Variants in PAPOLA observed in about 807,000 individuals in gnomAD.
PAPOLA encodes the protein poly(A) polymerase alpha, also known as polynucleotide adenylyltransferase alpha.
Under a neutral mutation model 100.6 loss-of-function variants are expected in PAPOLA, and 15 were observed. The ratio of observed to expected loss-of-function variants is 0.15; its 90% CI spans 0.10 to 0.23. The LOEUF (loss-of-function observed/expected upper bound fraction) is 0.23, where lower values mean the gene tolerates loss of function less well. Among genes scored for constraint, PAPOLA ranks in the 10% least tolerant of loss-of-function variants. PAPOLA has a pLI of 1.00. For missense variants in PAPOLA, 533 were observed against 884.2 expected, an observed-to-expected ratio of 0.60 and a Z score of 5.04; for synonymous variants, 293 against 300.0, an observed-to-expected ratio of 0.98 and a Z score of 0.24.
chr14:96,521,037 G>C lies in PAPOLA; in HGVS notation c.214G>C (p.Val72Leu). The C allele has an allele frequency of 1.3e-6, 2 of 1,560,382 alleles. No individual in the cohort carries two copies. Among genetic ancestry groups the C allele is most frequent in the Non-Finnish European group, 1.8e-6 (2 of 1,132,626 alleles). Residue 72 changes from valine to leucine, a missense_variant, in exon 3 of 22, where the codon GTA (valine) becomes CTA (leucine). Around this residue, in one of 9 missense-constraint regions of PAPOLA, gnomAD observed 54 missense variants for 133.2 expected, o/e 0.41. Transcript: ENST00000216277. ...AATTTTGGGAAAACTAAATAACCTG[G>C]TAAAAGAGTGGATACGAGAAATCAG... ...ILILGKLNNL[V>L]KEWIREISES... is the part of the protein sequence containing the mutation.
At position 96,502,628 on chromosome 14, in the gene PAPOLA, C is replaced by A. The variant is rs772946762; in HGVS notation, c.8+28C>A. ...AAGTAATTTGTATTCTGTTTTCTTT[C>A]GCTCGCCGGCTGGGCCTTGGGGGGC... On this transcript the variant is annotated intron_variant, in intron 1 of 21. Transcript: ENST00000216277. The A allele has an allele frequency of 1.6e-5, 25 of 1,565,520 alleles. No individual in the cohort carries two copies. In the Admixed American group the frequency reaches 3.1e-4, roughly 20 times the overall value.
rs1902185034 is a variant in PAPOLA, at chr14:96,565,301, AC to A, written c.*252del. On this transcript the variant is annotated 3_prime_UTR_variant, in exon 22 of 22. Coordinates refer to ENST00000216277, the MANE Select transcript of PAPOLA (RefSeq NM_032632.5). ...TCAAAAATTACTGCCTTTAAAAAAA[AC>A]AACCTCAAGCTATATTTGTATTCAT... The A allele has an allele frequency of 5.0e-6, 2 of 396,974 alleles. No individual in the cohort carries two copies. Among genetic ancestry groups the A allele is most frequent in the African/African-American group, 4.0e-5 (2 of 50,338 alleles). 24.6% of individuals were successfully genotyped at this position (396,974 alleles called of 1,614,324 possible).
At chr14:96,533,858 A>G (rs1228012502) in intron 9 of PAPOLA, 4 of 984,956 alleles carry the variant, frequency 4.1e-6, no homozygotes, top group African/African-American at 1.7e-5. Context: ...CGGCTGTCAG[A>G]ATTTCTTTTA....
chr14:96,552,676 A>T, intron 17 of PAPOLA, 54 bp downstream of exon 17: 2 of 1,477,036 alleles, frequency 1.4e-6, no homozygotes, highest in Non-Finnish European at 1.9e-6. Flanking sequence ...AATCAATCAG[A>T]TACATTCTCT....
rs560626299 is a variant in PAPOLA, at chr14:96,504,226, T to A, written c.8+1626T>A. The A allele has an allele frequency of 2.0e-5, 3 of 152,352 alleles. No homozygotes were observed. In the East Asian group the frequency reaches 5.8e-4, roughly 29 times the overall value. The allele number at this position is 152,352 out of a possible 1,614,324, so 9.4% of individuals were successfully genotyped here. A position where few individuals can be genotyped will look rare whatever the true frequency, so the allele number is the denominator to read the frequency against. ...ATAATCATACCAGCATTAAAAATGA[T>A]AGATGTAAACCTTAAAAGGCTTCAA... On this transcript the variant is annotated intron_variant, in intron 1 of 21. Coordinates refer to ENST00000216277, the MANE Select transcript of PAPOLA (RefSeq NM_032632.5).
chr14:96,525,567 C>A (rs1326285844), intron 4 of PAPOLA, among the ~76,000 whole-genome samples, 176 bp downstream of exon 4: 1 of 152,100 alleles, frequency 6.6e-6, no homozygotes, highest in Non-Finnish European at 1.5e-5. Flanking sequence ...TTCTATATCG[C>A]CACTGTCCAA....
intron 15 of PAPOLA, 46 bp from the exon 16 acceptor site, chr14:96,547,751 T>A (rs774009416): frequency 9.4e-6 from 14 of 1,489,284 alleles, no homozygotes; most frequent in Non-Finnish European, 1.3e-5. Flanking sequence ...ATAACTGCCT[T>A]TATTAAAATG....
In PAPOLA at chr14:96,560,692, A is replaced by G; in HGVS notation, c.2048A>G (p.His683Arg). The change falls in exon 20 of 22, where the codon CAT (histidine) becomes CGT (arginine). Residue 683 changes from histidine to arginine, a missense_variant. His to Arg is a conservative substitution (Grantham distance 29). Transcript: ENST00000216277. Reference protein sequence around the residue: ...EDANCLALSGHDKTEAKEQLD... With the variant: ...EDANCLALSGRDKTEAKEQLD... The stretch of plus-strand genomic sequence containing the variant: ...GCTAACTGTCTTGCTTTGAGTGGAC[A>G]TGATAAAACAGAAGCAAAGGTATAC... 6.2e-7 allele frequency: 1 copy of G among 1,602,714 alleles called. No homozygotes were observed.
At chr14:96,542,099 A>G in intron 12 of PAPOLA, 144 bp from the exon 13 acceptor site, 1 of 491,608 alleles carries the variant, frequency 2.0e-6, no homozygotes, top group East Asian at 3.3e-5. Flanking sequence ...AGCATATATG[A>G]TTTTATGTGC....
At chr14:96,550,331 T>A (rs1900745707) in intron 16 of PAPOLA, among the ~76,000 whole-genome samples, 1 of 152,194 alleles carries the variant, frequency 6.6e-6, no homozygotes, top group Admixed American at 6.5e-5. Flanking sequence ...ATATTCAGAT[T>A]ACCTTTTTAA....
chr14:96,531,611 G>A, intron 7 of PAPOLA, 25 bp downstream of exon 7: 1 of 1,577,164 alleles, frequency 6.3e-7, no homozygotes, highest in South Asian at 1.2e-5. Context: ...ACTTCCTTTT[G>A]TGTACTTCAG....
chr14:96,559,663 A>G (rs1183142518), intron 19 of PAPOLA, among the ~76,000 whole-genome samples: 1 of 149,300 alleles, frequency 6.7e-6, no homozygotes, highest in Non-Finnish European at 1.5e-5. Flanking sequence ...AACTTTCTGT[A>G]TGGAAAATTT....
intron 14 of PAPOLA, among the ~76,000 whole-genome samples, chr14:96,543,754 A>G (rs576392730): frequency 1.6e-4 from 24 of 152,166 alleles, no homozygotes; most frequent in Non-Finnish European, 2.6e-4. Context: ...AGTTTAAGAA[A>G]TATCTATTAA....
At chr14:96,531,852 G>T in intron 7 of PAPOLA, 1 of 1,390,718 alleles carries the variant, frequency 7.2e-7, no homozygotes, top group Non-Finnish European at 9.2e-7. Context: ...TCTGTTGCTA[G>T]TGATTTAGGT....
At chr14:96,554,174 C>G (rs996352941) in intron 17 of PAPOLA, among the ~76,000 whole-genome samples, 1 of 152,154 alleles carries the variant, frequency 6.6e-6, no homozygotes. Context: ...TACTAAGTAA[C>G]TTCTGTAAAT....
intron 7 of PAPOLA, 193 bp downstream of exon 7, chr14:96,531,779 T>C (rs1899042073): frequency 6.9e-7 from 1 of 1,443,406 alleles, no homozygotes; most frequent in Non-Finnish European, 9.0e-7. Flanking sequence ...TTTTATACAC[T>C]GTATTTCTTC....
chr14:96,520,648 C>T (rs1897877783), intron 2 of PAPOLA, among the ~76,000 whole-genome samples: 1 of 152,176 alleles, frequency 6.6e-6, no homozygotes, highest in African/African-American at 2.4e-5. Context: ...GCGTGAGCCA[C>T]CGTACCTGGC....
At chr14:96,551,926 A>G (rs776551725) in intron 16 of PAPOLA, among the ~76,000 whole-genome samples, 1 of 151,998 alleles carries the variant, frequency 6.6e-6, no homozygotes, top group East Asian at 1.9e-4. Flanking sequence ...CTGAATTGCA[A>G]TTAGAGCACT....
chr14:96,548,508 G>A (rs1900572613), intron 16 of PAPOLA, among the ~76,000 whole-genome samples: 1 of 151,990 alleles, frequency 6.6e-6, no homozygotes, highest in African/African-American at 2.4e-5. Flanking sequence ...GAATTTTAGT[G>A]GACAGATACA....
Sources: allele counts gnomAD v4.1 joint callset (sites outside exome capture counted in the v4.1 genomes callset), GRCh38; gene constraint gnomAD v4.1.1; regional missense constraint gnomAD v4.1.1; transcripts MANE v1.5; gene names NCBI Gene and HGNC (gene_info 2026-07-23, HGNC 2026-07-21).